EVC2: variants seen among roughly 807,000 people sequenced by gnomAD.
The protein encoded by EVC2 is EvC ciliary complex subunit 2.
EVC2 carries 148 observed loss-of-function variants against 149.3 expected under a neutral mutation model. The observed-to-expected ratio is 0.99, with a 90% CI of 0.87 to 1.14. The LOEUF is 1.14. EVC2 is among the 50% of genes most tolerant of loss of function. The pLI, the probability that EVC2 is intolerant of heterozygous loss-of-function variation, is 0.00. For synonymous variants in EVC2, 776 were observed against 649.9 expected (o/e 1.19, Z -2.95); for missense variants, 1,854 against 1,627.3 (o/e 1.14, Z -2.40).
rs117314242 is a variant in EVC2, at chr4:5,614,594, T to C, written c.2829+828A>G. 1.3e-5 allele frequency among the ~76,000 whole-genome samples: 2 copies of C among 152,104 alleles called. No homozygotes were observed. Among genetic ancestry groups the C allele is most frequent in the Non-Finnish European group, 2.9e-5 (2 of 68,024 alleles). On this transcript the variant is annotated intron_variant, in intron 16 of 21. Coordinates refer to ENST00000344408, the MANE Select transcript of EVC2 (RefSeq NM_147127.5). This position sits in a 1 kb window ranked among gnomAD's most constrained non-coding sequence, Gnocchi z 4.7. ...GACACAAGTTATTTATCCAGGTAAA[T>C]AGAGGTGGAAAAGTAATTCCACAAA...
At chr4:5,619,056 C>CAGAGGAG (rs1300375989) in intron 14 of EVC2, among the ~76,000 whole-genome samples, 1 of 152,094 alleles carries the variant, frequency 6.6e-6, no homozygotes, top group Non-Finnish European at 1.5e-5. Flanking sequence ...GACCAATGGA[C>CAGAGGAG]AGAGGAGAGA....
intron 9 of EVC2, among the ~76,000 whole-genome samples, chr4:5,654,632 A>G (rs1278371825): frequency 6.6e-6 from 1 of 151,952 alleles, no homozygotes; most frequent in Non-Finnish European, 1.5e-5. Context: ...TGTTTTCTGA[A>G]TTCCACACTG....
At chr4:5,599,546 G>A (rs1391369334) in intron 16 of EVC2, among the ~76,000 whole-genome samples, 1 of 152,006 alleles carries the variant, frequency 6.6e-6, no homozygotes, top group African/African-American at 2.4e-5. Context: ...ACAGGAAGGG[G>A]AACATCACAC....
chr4:5,652,590 A>G (rs190215220), intron 9 of EVC2, among the ~76,000 whole-genome samples: 2 of 152,262 alleles, frequency 1.3e-5, no homozygotes, highest in East Asian at 1.9e-4. Context: ...GGTCCTCAGG[A>G]GCATCCTCCA....
At chr4:5,641,701 CAAAT>C (rs1183475704) in intron 9 of EVC2, among the ~76,000 whole-genome samples, 5 of 151,974 alleles carry the variant, frequency 3.3e-5, no homozygotes, top group Non-Finnish European at 2.9e-5. Context: ...AAAACAAAGA[CAAAT>C]AAAAAAAGGA....
chr4:5,565,987 C>T (rs1198864435), intron 20 of EVC2, among the ~76,000 whole-genome samples: 1 of 152,224 alleles, frequency 6.6e-6, no homozygotes, highest in Non-Finnish European at 1.5e-5. Context: ...CTGGCTGCCT[C>T]CCCCACTGGG....
At chr4:5,572,347 C>T (rs1388543501) in intron 19 of EVC2, among the ~76,000 whole-genome samples, 12 of 152,122 alleles carry the variant, frequency 7.9e-5, no homozygotes, top group African/African-American at 2.2e-4. Flanking sequence ...ACCACAAATG[C>T]CACTATTAGG....
chr4:5,644,620 C>A (rs958100035), intron 9 of EVC2, among the ~76,000 whole-genome samples: 1 of 152,120 alleles, frequency 6.6e-6, no homozygotes, highest in Non-Finnish European at 1.5e-5. Context: ...TTTCTTTAAG[C>A]GTGCAGTTCA....
chr4:5,538,199 T>C (rs1392497965), downstream of EVC2, among the ~76,000 whole-genome samples: 1 of 152,096 alleles, frequency 6.6e-6, no homozygotes, highest in Non-Finnish European at 1.5e-5. Flanking sequence ...TAAAATATTA[T>C]GAACAGCTTT....
At position 5,635,699 on chromosome 4, in the gene EVC2, AG is replaced by A. The variant is rs142962473; in HGVS notation, c.1471-3668del. Among the ~76,000 whole-genome samples, 512 of 152,364 alleles carry A rather than the reference AG, an allele frequency of 3.4e-3. 3 individuals carry two copies. Among genetic ancestry groups the A allele is most frequent in the African/African-American group, 0.012 (484 of 41,592 alleles). Reference sequence around the variant, plus strand: ...AATGTTTTATAAAAACAAATCCATCAGAAACGGTGAAAATGTCAGAATTCTT... The same window carrying A: ...AATGTTTTATAAAAACAAATCCATCAAAACGGTGAAAATGTCAGAATTCTT... On this transcript the variant is annotated intron_variant, in intron 10 of 21. Coordinates refer to ENST00000344408, the MANE Select transcript of EVC2 (RefSeq NM_147127.5).
intron 16 of EVC2, among the ~76,000 whole-genome samples, chr4:5,586,563 G>C (rs1712298996): frequency 6.6e-6 from 1 of 152,108 alleles, no homozygotes; most frequent in Non-Finnish European, 1.5e-5. Flanking sequence ...GACTCTTTAA[G>C]TCTCATAAGA....
chr4:5,591,858 C>G (rs763880768), intron 16 of EVC2, among the ~76,000 whole-genome samples: 26 of 152,178 alleles, frequency 1.7e-4, no homozygotes, highest in Non-Finnish European at 2.8e-4. Flanking sequence ...AATACAAATT[C>G]ATTTGCAAAA....
intron 17 of EVC2, among the ~76,000 whole-genome samples, chr4:5,579,216 G>T (rs1711541231): frequency 6.6e-6 from 1 of 152,170 alleles, no homozygotes; most frequent in African/African-American, 2.4e-5. Context: ...GTTTAGGACA[G>T]GAACATGGGC....
intron 10 of EVC2, among the ~76,000 whole-genome samples, chr4:5,639,626 T>G (rs1238582349): frequency 1.3e-5 from 2 of 152,190 alleles, no homozygotes; most frequent in African/African-American, 4.8e-5. Context: ...AGAGATGGAA[T>G]GTACTAGACT....
chr4:5,600,177 C>T (rs1230873745), intron 16 of EVC2, among the ~76,000 whole-genome samples: 1 of 152,144 alleles, frequency 6.6e-6, no homozygotes, highest in African/African-American at 2.4e-5. Flanking sequence ...AGTTGCTTAA[C>T]CTGTCTGAGT....
intron 7 of EVC2, among the ~76,000 whole-genome samples, chr4:5,678,083 C>T (rs796438737): frequency 6.6e-6 from 1 of 152,218 alleles, no homozygotes; most frequent in African/African-American, 2.4e-5. Flanking sequence ...AAAGCCCTTC[C>T]TGTAGGGCTG....
intron 7 of EVC2, among the ~76,000 whole-genome samples, 185 bp downstream of exon 7, chr4:5,681,075 G>C (rs1396042260): frequency 1.3e-5 from 2 of 152,208 alleles, no homozygotes; most frequent in African/African-American, 4.8e-5. Flanking sequence ...GGGTCATCCA[G>C]GGAAACCAGT....
In EVC2 at chr4:5,670,799, C is replaced by A. The variant is rs1577232614; in HGVS notation, c.871-5150G>T. Among the ~76,000 whole-genome samples the A allele has an allele frequency of 6.6e-6, 1 of 151,762 alleles. No homozygotes were observed. The highest frequency in any genetic ancestry group is 1.5e-5 in the Non-Finnish European group (1 of 67,952). On this transcript the variant is annotated intron_variant, in intron 7 of 21. Transcript: ENST00000344408. This position sits in a 1 kb window ranked among gnomAD's most constrained non-coding sequence, Gnocchi z 5.2. ...TTCATTATCACCATCACCACCATGACCACCACCACCATTACCATAGCCACC... is the reference window on the plus strand; with the variant it reads ...TTCATTATCACCATCACCACCATGAACACCACCACCATTACCATAGCCACC...
chr4:5,642,861 A>G (rs994134617), intron 9 of EVC2, among the ~76,000 whole-genome samples: 30 of 152,380 alleles, frequency 2.0e-4, no homozygotes, highest in Admixed American at 1.9e-3. Flanking sequence ...AACCAGGTTC[A>G]AAACTTGTCA....
Sources: allele counts gnomAD v4.1 joint callset (sites outside exome capture counted in the v4.1 genomes callset), GRCh38; gene constraint gnomAD v4.1.1; non-coding constraint Gnocchi (gnomAD v3.1); transcripts MANE v1.5; gene names NCBI Gene and HGNC (gene_info 2026-07-23, HGNC 2026-07-21).